The following GPR158 variants were observed in gnomAD, a reference collection of about 807,000 sequenced individuals.
GPR158 encodes G protein-coupled receptor 158.
A neutral mutation model predicts 78.2 loss-of-function variants in GPR158; 30 were observed. That is an observed-to-expected ratio of 0.38 (90% CI 0.29 to 0.52). The LOEUF is 0.52. GPR158 is among the 20% of genes least tolerant of loss of function. GPR158 has a pLI of 0.83. For missense variants in GPR158, 1,463 were observed against 1,523.5 expected, an observed-to-expected ratio of 0.96 and a Z score of 0.66; for synonymous variants, 581 against 591.1, an observed-to-expected ratio of 0.98 and a Z score of 0.25.
chr10:25,364,164 A>G (rs973767168), intron 2 of GPR158, among the ~76,000 whole-genome samples: 1 of 151,944 alleles, frequency 6.6e-6, no homozygotes, highest in Non-Finnish European at 1.5e-5. Context: ...TAATTTGCCC[A>G]GGGTTCCATT....
At chr10:25,338,564 G>GTATATTATTATATATATTACATATTATA in intron 2 of GPR158, among the ~76,000 whole-genome samples, 1 of 130,542 alleles carries the variant, frequency 7.7e-6, no homozygotes, top group Admixed American at 8.1e-5. Flanking sequence ...AATACGTATT[G>GTATATTATTATATATATTACATATTATA]TATATTATTA....
chr10:25,573,509 T>C (rs559994240), intron 7 of GPR158, among the ~76,000 whole-genome samples: 1 of 152,356 alleles, frequency 6.6e-6, no homozygotes, highest in East Asian at 1.9e-4. Flanking sequence ...CATCATGGCT[T>C]GGGCCCAAAA....
rs546250373 is a variant in GPR158 at position 25,349,496 on chromosome 10, C to T, written c.1009-46415C>T. Among the ~76,000 whole-genome samples, 8 of 146,708 alleles carry T rather than the reference C, an allele frequency of 5.5e-5. No homozygotes were observed. The East Asian group carries it at 1.2e-3, about 21-fold the overall frequency. On this transcript the variant is annotated intron_variant, in intron 2 of 10. Transcript: ENST00000376351. ...TGGTTGGATCATGAGGCAGATTTCCCCCTTGCTGTTCTCATAATAGTGAGT... is the reference window on the plus strand; with the variant it reads ...TGGTTGGATCATGAGGCAGATTTCCTCCTTGCTGTTCTCATAATAGTGAGT...
At chr10:25,364,790 T>G (rs976336176) in intron 2 of GPR158, among the ~76,000 whole-genome samples, 7 of 151,860 alleles carry the variant, frequency 4.6e-5, no homozygotes, top group African/African-American at 1.7e-4. Flanking sequence ...TAAGAAGATA[T>G]AGCTACTTTC....
At chr10:25,448,395 T>A (rs1427188066) in intron 4 of GPR158, among the ~76,000 whole-genome samples, 1 of 152,184 alleles carries the variant, frequency 6.6e-6, no homozygotes, top group Non-Finnish European at 1.5e-5. Flanking sequence ...TGGCCGTATC[T>A]GACTTCTTTA....
intron 4 of GPR158, among the ~76,000 whole-genome samples, chr10:25,446,120 T>A (rs1835136092): frequency 6.6e-6 from 1 of 152,194 alleles, no homozygotes; most frequent in Non-Finnish European, 1.5e-5. Context: ...AGGGGTGTCT[T>A]GTTCTAAGTC....
chr10:25,490,475 A>G (rs1476159314), intron 5 of GPR158, among the ~76,000 whole-genome samples: 1 of 99,594 alleles, frequency 1.0e-5, no homozygotes, highest in Non-Finnish European at 1.9e-5. Flanking sequence ...CCAGAGTGTG[A>G]TATTCCCCTT....
intron 1 of GPR158, among the ~76,000 whole-genome samples, chr10:25,188,993 C>G (rs181709883): frequency 1.3e-5 from 2 of 152,302 alleles, no homozygotes; most frequent in African/African-American, 2.4e-5. Flanking sequence ...GGACCCTTCT[C>G]AAAAGAAGAC....
chr10:25,405,089 A>AT (rs1834494661), intron 3 of GPR158, among the ~76,000 whole-genome samples: 2 of 152,154 alleles, frequency 1.3e-5, no homozygotes, highest in South Asian at 2.1e-4. Flanking sequence ...TCGCTATGAA[A>AT]GAACCTTAAT....
intron 5 of GPR158, among the ~76,000 whole-genome samples, chr10:25,480,159 T>C (rs145979474): frequency 6.6e-6 from 1 of 152,314 alleles, no homozygotes; most frequent in African/African-American, 2.4e-5. Context: ...TATAATTTCT[T>C]TGAGGCCATG....
chr10:25,298,104 A>ATAC (rs931836036), intron 2 of GPR158, among the ~76,000 whole-genome samples: 3 of 152,160 alleles, frequency 2.0e-5, no homozygotes, highest in Non-Finnish European at 4.4e-5. Context: ...AATAATAATA[A>ATAC]TTTAGATTAT....
chr10:25,484,533 G>A (rs1037406790), intron 5 of GPR158, among the ~76,000 whole-genome samples: 1 of 152,142 alleles, frequency 6.6e-6, no homozygotes, highest in Non-Finnish European at 1.5e-5. Flanking sequence ...TTACCTTCAT[G>A]GGAATAAATG....
At chr10:25,559,995 C>T (rs1564489829) in intron 6 of GPR158, among the ~76,000 whole-genome samples, 3 of 152,304 alleles carry the variant, frequency 2.0e-5, no homozygotes, top group Middle Eastern at 6.8e-3. Flanking sequence ...AACAGCACAA[C>T]CACCAAAGAG....
chr10:25,261,244 AT>A (rs1853963459), intron 2 of GPR158, among the ~76,000 whole-genome samples: 2 of 152,072 alleles, frequency 1.3e-5, no homozygotes, highest in African/African-American at 4.8e-5. Flanking sequence ...TGCCCATTTG[AT>A]TCATGTCTAT....
At position 25,188,156 on chromosome 10, in the gene GPR158, A is replaced by G. The variant is rs576436064; in HGVS notation, c.902+11834A>G. Among the ~76,000 whole-genome samples the G allele has an allele frequency of 2.0e-5, 3 of 152,340 alleles. No individual in the cohort carries two copies. The South Asian group carries it at 6.2e-4, about 32-fold the overall frequency. On this transcript the variant is annotated intron_variant, in intron 1 of 10. Coordinates refer to ENST00000376351, the MANE Select transcript of GPR158 (RefSeq NM_020752.3). ...AGAGGACACAAACAAATGGAAGAAC[A>G]TTCCATGCTCATGGATAGGAAGAAT...
chr10:25,564,091 C>T (rs929242367), intron 6 of GPR158, among the ~76,000 whole-genome samples: 2 of 152,020 alleles, frequency 1.3e-5, no homozygotes, highest in African/African-American at 4.8e-5. Context: ...CCATTGAAGT[C>T]TCTTTTCTGT....
At chr10:25,469,105 T>A (rs1218412169) in intron 5 of GPR158, among the ~76,000 whole-genome samples, 1 of 152,190 alleles carries the variant, frequency 6.6e-6, no homozygotes, top group Admixed American at 6.5e-5. Context: ...CTTTGTTGAT[T>A]CTTCATTTTA....
intron 2 of GPR158, among the ~76,000 whole-genome samples, chr10:25,315,158 T>G (rs1393458784): frequency 6.6e-6 from 1 of 152,050 alleles, no homozygotes; most frequent in Non-Finnish European, 1.5e-5. Flanking sequence ...CTTAATTGAT[T>G]ACAGAGTTTT....
chr10:25,564,770 TTC>T (rs1836906990), intron 6 of GPR158, among the ~76,000 whole-genome samples: 1 of 152,182 alleles, frequency 6.6e-6, no homozygotes, highest in African/African-American at 2.4e-5. Flanking sequence ...TTTTTGTTTT[TTC>T]TCTCTTAAGT....
Sources: gnomAD v4.1 joint callset for allele counts (sites outside exome capture counted in the v4.1 genomes callset) on GRCh38, gnomAD v4.1.1 for gene constraint, MANE v1.5 for transcripts, NCBI Gene and HGNC (gene_info 2026-07-23, HGNC 2026-07-21) for gene names.